The following SLIT3 variants were observed in gnomAD, a reference collection of about 807,000 sequenced individuals.
The protein encoded by SLIT3 is slit homolog 3 protein.
Under a neutral mutation model 184.0 loss-of-function variants are expected in SLIT3, and 68 were observed. That is an observed-to-expected ratio of 0.37 (90% confidence interval 0.30 to 0.45). The LOEUF (loss-of-function observed/expected upper bound fraction) is 0.45, where lower values mean the gene tolerates loss of function less well. Ranked by LOEUF, SLIT3 falls within the 20% of genes least tolerant of loss-of-function variation. SLIT3 has a pLI of 1.00. For missense variants in SLIT3, 1,707 were observed against 2,026.0 expected (o/e 0.84, Z 3.02); for synonymous variants, 831 against 828.6 (o/e 1.00, Z -0.05).
intron 4 of SLIT3, among the ~76,000 whole-genome samples, chr5:168,907,188 CTT>C (rs1404777349): frequency 6.6e-6 from 1 of 152,164 alleles, no homozygotes; most frequent in Non-Finnish European, 1.5e-5. Context: ...TCTCACCAGT[CTT>C]TTAAGTCTCT....
intron 5 of SLIT3, among the ~76,000 whole-genome samples, chr5:168,849,065 A>AT (rs927630197): frequency 2.0e-4 from 30 of 152,306 alleles, no homozygotes; most frequent in East Asian, 5.8e-4. Context: ...AAGAAAAAGA[A>AT]TTTTTTTTAA....
At chr5:168,973,315 TCGG>T (rs1754643449) in intron 4 of SLIT3, among the ~76,000 whole-genome samples, 1 of 152,204 alleles carries the variant, frequency 6.6e-6, no homozygotes. Context: ...TGGTGCTATC[TCGG>T]CTCACTGCAA....
chr5:169,299,578 C>T (rs1767617276), intron 1 of SLIT3, among the ~76,000 whole-genome samples: 1 of 152,204 alleles, frequency 6.6e-6, no homozygotes, highest in Admixed American at 6.5e-5. Context: ...TTCTCCCCCA[C>T]TCCCTTACCC....
At chr5:168,820,640 T>C (rs1757498807) in intron 7 of SLIT3, among the ~76,000 whole-genome samples, 1 of 152,198 alleles carries the variant, frequency 6.6e-6, no homozygotes, top group Admixed American at 6.5e-5. Context: ...ATTTAGATAC[T>C]GTAGCACCGA....
chr5:169,041,930 GAA>G (rs968553202), intron 4 of SLIT3, among the ~76,000 whole-genome samples: 1 of 152,166 alleles, frequency 6.6e-6, no homozygotes, highest in African/African-American at 2.4e-5. Flanking sequence ...TCCCTTCCTG[GAA>G]ATGAATAGGA....
intron 3 of SLIT3, among the ~76,000 whole-genome samples, chr5:169,207,045 CT>C (rs560234312): frequency 2.7e-3 from 375 of 140,628 alleles, no homozygotes; most frequent in Middle Eastern, 0.011. Flanking sequence ...TTTCCTTATT[CT>C]TTTTTTTTTT....
At chr5:169,151,712 A>G (rs180785588) in intron 4 of SLIT3, among the ~76,000 whole-genome samples, 1 of 152,364 alleles carries the variant, frequency 6.6e-6, no homozygotes, top group East Asian at 1.9e-4. Context: ...CCAGCCCTGT[A>G]AAGTACTAGG....
intron 5 of SLIT3, among the ~76,000 whole-genome samples, chr5:168,873,852 A>G (rs995996117): frequency 6.6e-6 from 1 of 152,144 alleles, no homozygotes; most frequent in Admixed American, 6.5e-5. Flanking sequence ...TTTAATCACT[A>G]TACTCACTTG....
At chr5:168,713,687 T>A (rs1762631749) in intron 23 of SLIT3, among the ~76,000 whole-genome samples, 1 of 152,246 alleles carries the variant, frequency 6.6e-6, no homozygotes, top group Admixed American at 6.5e-5. Flanking sequence ...TGAAGTTAGC[T>A]TGCCCTTGGT....
chr5:169,071,632 G>A (rs57138102), intron 4 of SLIT3, among the ~76,000 whole-genome samples: 9,456 of 152,218 alleles, frequency 0.062, 413 homozygotes, highest in East Asian at 0.2. Context: ...CTCCACTTCA[G>A]GGGAGTTTTT....
At chr5:169,187,120 T>TG (rs1050973936) in intron 4 of SLIT3, among the ~76,000 whole-genome samples, 1 of 141,276 alleles carries the variant, frequency 7.1e-6, no homozygotes, top group African/African-American at 2.6e-5. Context: ...GGTTTTTTTT[T>TG]TTTTTTTTTT....
intron 4 of SLIT3, among the ~76,000 whole-genome samples, chr5:168,901,923 A>T (rs1224385427): frequency 6.6e-6 from 1 of 152,134 alleles, no homozygotes; most frequent in East Asian, 1.9e-4. Flanking sequence ...ATTCTTTGAG[A>T]TGGAGTCTCA....
At chr5:168,834,884 GC>G (rs1162902473) in intron 6 of SLIT3, among the ~76,000 whole-genome samples, 1 of 152,086 alleles carries the variant, frequency 6.6e-6, no homozygotes, top group Non-Finnish European at 1.5e-5. Context: ...TGCAGAACAT[GC>G]CCTGTCCAGA....
chr5:168,991,650 C>T (rs1480077463), intron 4 of SLIT3, among the ~76,000 whole-genome samples: 1 of 152,228 alleles, frequency 6.6e-6, no homozygotes, highest in African/African-American at 2.4e-5. Context: ...AAAGCCTCCC[C>T]CTTCTCTCAG....
chr5:168,886,119 G>A (rs944896576), intron 4 of SLIT3, among the ~76,000 whole-genome samples: 1 of 152,160 alleles, frequency 6.6e-6, no homozygotes, highest in African/African-American at 2.4e-5. Flanking sequence ...GTAGATTGTA[G>A]GGAATTTATC....
intron 4 of SLIT3, among the ~76,000 whole-genome samples, chr5:169,159,673 G>A (rs1762417012): frequency 6.6e-6 from 1 of 152,138 alleles, no homozygotes; most frequent in African/African-American, 2.4e-5. Flanking sequence ...CTACTCGGGA[G>A]GCTGAGGCAG....
chr5:169,219,720 G>A (rs1024834749), intron 3 of SLIT3, among the ~76,000 whole-genome samples: 5 of 152,172 alleles, frequency 3.3e-5, no homozygotes, highest in African/African-American at 9.7e-5. Context: ...CACATTCCGG[G>A]GTGTCTATTC....
intron 4 of SLIT3, among the ~76,000 whole-genome samples, chr5:169,040,401 T>C (rs1054759035): frequency 6.6e-6 from 1 of 152,190 alleles, no homozygotes; most frequent in African/African-American, 2.4e-5. Context: ...AGCTCAAATA[T>C]TTCTCAGGAA....
At chr5:168,930,223 C>T (rs766692076) in intron 4 of SLIT3, among the ~76,000 whole-genome samples, 2 of 152,080 alleles carry the variant, frequency 1.3e-5, no homozygotes, top group South Asian at 2.1e-4. Context: ...CCCCATGGCC[C>T]GCATTTTTGC....
Sources: allele counts gnomAD v4.1 joint callset (sites outside exome capture counted in the v4.1 genomes callset), GRCh38; gene constraint gnomAD v4.1.1; transcripts MANE v1.5; gene names NCBI Gene and HGNC (gene_info 2026-07-23, HGNC 2026-07-21).